SNTG1: variants seen among roughly 807,000 people sequenced by gnomAD.
SNTG1 encodes gamma-1-syntrophin.
In SNTG1, 39 loss-of-function variants were observed where a neutral mutation model predicts 74.7. The ratio of observed to expected loss-of-function variants is 0.52; its 90% CI spans 0.40 to 0.68. The LOEUF (loss-of-function observed/expected upper bound fraction) is 0.68, where lower values mean the gene tolerates loss of function less well. Ranked by LOEUF, SNTG1 falls within the 30% of genes least tolerant of loss-of-function variation. The pLI is 0.00. For missense variants in SNTG1, 685 were observed against 609.5 expected, an observed-to-expected ratio of 1.12 and a Z score of -1.30; for synonymous variants, 254 against 217.1, an observed-to-expected ratio of 1.17 and a Z score of -1.49.
intron 2 of SNTG1, among the ~76,000 whole-genome samples, chr8:50,216,627 A>G (rs1586727792): frequency 6.6e-6 from 1 of 152,180 alleles, no homozygotes; most frequent in Non-Finnish European, 1.5e-5. Context: ...AATTAAAGGA[A>G]CATTTTTTCT....
intron 2 of SNTG1, among the ~76,000 whole-genome samples, chr8:50,289,905 T>A (rs2088997205): frequency 6.6e-6 from 1 of 152,148 alleles, no homozygotes; most frequent in African/African-American, 2.4e-5. Context: ...ATGCACGGAA[T>A]GTACACATAG....
chr8:50,371,096 T>C (rs1348774569), intron 2 of SNTG1, among the ~76,000 whole-genome samples: 1 of 152,166 alleles, frequency 6.6e-6, no homozygotes, highest in Admixed American at 6.5e-5. Flanking sequence ...GCATGGGTCT[T>C]TATGATTTTG....
intron 3 of SNTG1, among the ~76,000 whole-genome samples, chr8:50,397,927 T>C (rs1036406417): frequency 6.6e-6 from 1 of 152,168 alleles, no homozygotes; most frequent in African/African-American, 2.4e-5. Context: ...ATACTTCTTG[T>C]CACACAGTGA....
At chr8:50,734,210 G>T (rs10958065) in intron 17 of SNTG1, among the ~76,000 whole-genome samples, 63,213 of 151,448 alleles carry the variant, frequency 0.42, 15,655 homozygotes, top group African/African-American at 0.7. Context: ...ACTTGCATAG[G>T]TTAATGTAGT....
At chr8:50,496,117 C>T (rs2093901932) in intron 8 of SNTG1, among the ~76,000 whole-genome samples, 1 of 152,130 alleles carries the variant, frequency 6.6e-6, no homozygotes, top group South Asian at 2.1e-4. Context: ...AAAATCAACC[C>T]TCAAAGTCAT....
rs1479439750 is a variant in SNTG1 at position 50,081,621 on chromosome 8, G to A, written c.-102-90940G>A. ...AAGGCCTGTTCACTTCGTTTTTTTT[G>A]TTTTTGTTTTTGTTTTTGTTTGGTA... On this transcript the variant is annotated intron_variant, in intron 1 of 18. Coordinates refer to ENST00000642720, the MANE Select transcript of SNTG1 (RefSeq NM_018967.5). 2.6e-5 allele frequency among the ~76,000 whole-genome samples: 4 copies of A among 151,308 alleles called. No individual in the cohort carries two copies. The East Asian group carries it at 7.8e-4, about 29-fold the overall frequency.
intron 2 of SNTG1, among the ~76,000 whole-genome samples, chr8:50,183,401 T>C (rs1209381159): frequency 6.6e-6 from 1 of 152,158 alleles, no homozygotes; most frequent in Admixed American, 6.6e-5. Flanking sequence ...CTGTACCGTC[T>C]CCAGAGTCTC....
chr8:50,713,851 A>C (rs1184957392), intron 17 of SNTG1, among the ~76,000 whole-genome samples: 1 of 152,042 alleles, frequency 6.6e-6, no homozygotes, highest in African/African-American at 2.4e-5. Context: ...TGAGGTCAAG[A>C]GTTTAAGACC....
chr8:50,292,131 A>T (rs956292196), intron 2 of SNTG1, among the ~76,000 whole-genome samples: 2 of 152,214 alleles, frequency 1.3e-5, no homozygotes, highest in Non-Finnish European at 2.9e-5. Flanking sequence ...CCATCAGTAT[A>T]TAGAGACAGC....
chr8:50,563,445 G>A (rs369112667), intron 12 of SNTG1, among the ~76,000 whole-genome samples: 8 of 152,152 alleles, frequency 5.3e-5, no homozygotes, highest in East Asian at 1.9e-4. Flanking sequence ...CTTTAGAGTA[G>A]GGAAAAGTTG....
chr8:49,986,172 T>C (rs1813135028), intron 1 of SNTG1, among the ~76,000 whole-genome samples: 1 of 152,018 alleles, frequency 6.6e-6, no homozygotes, highest in Non-Finnish European at 1.5e-5. Context: ...ATGTATAAAA[T>C]AAAAAAGGGG....
At chr8:50,418,760 CACA>C (rs2093044846) in intron 4 of SNTG1, among the ~76,000 whole-genome samples, 1 of 152,082 alleles carries the variant, frequency 6.6e-6, no homozygotes, top group African/African-American at 2.4e-5. Context: ...TAATTCCCTT[CACA>C]ACGTTTCCTA....
At chr8:50,149,451 C>T (rs1271219436) in intron 1 of SNTG1, among the ~76,000 whole-genome samples, 1 of 152,202 alleles carries the variant, frequency 6.6e-6, no homozygotes, top group Admixed American at 6.5e-5. Context: ...TTGTTTTAGA[C>T]ATGAAGTCCT....
chr8:50,361,302 G>C (rs1386451241), intron 2 of SNTG1, among the ~76,000 whole-genome samples: 1 of 152,076 alleles, frequency 6.6e-6, no homozygotes, highest in Non-Finnish European at 1.5e-5. Context: ...CATCTCCCAT[G>C]GTAATGATGC....
At chr8:50,394,681 C>G (rs1323580433) in intron 3 of SNTG1, among the ~76,000 whole-genome samples, 4 of 151,972 alleles carry the variant, frequency 2.6e-5, no homozygotes, top group African/African-American at 7.3e-5. Context: ...TATTAATACA[C>G]AAGAATTTAG....
intron 1 of SNTG1, among the ~76,000 whole-genome samples, chr8:50,040,127 CCA>C (rs1818512378): frequency 6.6e-6 from 1 of 152,084 alleles, no homozygotes; most frequent in African/African-American, 2.4e-5. Context: ...GTTTAGAACA[CCA>C]CTGACTAAGC....
At chr8:50,644,895 A>G (rs2095097468) in intron 13 of SNTG1, among the ~76,000 whole-genome samples, 2 of 150,894 alleles carry the variant, frequency 1.3e-5, no homozygotes, top group Admixed American at 6.6e-5. Context: ...TGTGGCCTAA[A>G]GAAACACTTG....
In SNTG1 at chr8:50,792,794, T is replaced by A. The variant is rs1312343865; in HGVS notation, c.1519T>A (p.Ser507Thr). The change falls in exon 19 of 19, where the codon TCT (serine) becomes ACT (threonine). Residue 507 changes from serine to threonine, a missense_variant. Physicochemically the swap from Ser to Thr is moderately conservative, Grantham distance 58. Transcript: ENST00000642720. ...NQATASTAAS[S>T]ATTSKAKYTT is the part of the protein sequence containing the mutation. ...AGCTACTGCTTCTACTGCTGCCAGC[T>A]CTGCTACCACGAGCAAAGCAAAGTA... The A allele has an allele frequency of 1.2e-6, 2 of 1,612,292 alleles. No individual in the cohort carries two copies. The highest frequency in any genetic ancestry group is 2.7e-5 in the African/African-American group (2 of 74,928).
chr8:50,129,569 C>G (rs536165623), intron 1 of SNTG1, among the ~76,000 whole-genome samples: 1 of 152,192 alleles, frequency 6.6e-6, no homozygotes, highest in South Asian at 2.1e-4. Context: ...GTTGCCCTCA[C>G]AGGATCTGTG....
Sources: gnomAD v4.1 joint callset for allele counts (sites outside exome capture counted in the v4.1 genomes callset) on GRCh38, gnomAD v4.1.1 for gene constraint, MANE v1.5 for transcripts, NCBI Gene and HGNC (gene_info 2026-07-23, HGNC 2026-07-21) for gene names.